The following PHF2 variants were observed in gnomAD, a reference collection of about 807,000 sequenced individuals.
PHF2 encodes lysine-specific demethylase PHF2.
PHF2 carries 27 observed loss-of-function variants against 120.5 expected under a neutral mutation model. That is an observed-to-expected ratio of 0.22 (90% CI 0.17 to 0.31). The LOEUF is 0.31. Ranked by LOEUF, PHF2 falls within the 10% of genes least tolerant of loss-of-function variation. The probability of loss-of-function intolerance (pLI) is 1.00; values close to 1 mark genes in which losing one functional copy is unlikely to be tolerated. For missense variants in PHF2, 1,024 were observed against 1,434.8 expected (o/e 0.71, Z 4.63); for synonymous variants, 568 against 592.5 (o/e 0.96, Z 0.60).
At chr9:93,600,170 GTGC>G (rs1825413590) in intron 1 of PHF2, among the ~76,000 whole-genome samples, 2 of 152,072 alleles carry the variant, frequency 1.3e-5, no homozygotes, top group Admixed American at 6.6e-5. Flanking sequence ...TGCAGTTTGT[GTGC>G]TGTGTGTCTG....
chr9:93,661,112 C>T (rs1564398728), intron 12 of PHF2, among the ~76,000 whole-genome samples: 1 of 152,082 alleles, frequency 6.6e-6, no homozygotes, highest in Non-Finnish European at 1.5e-5. Flanking sequence ...AGGACAAGAG[C>T]AGGGTGGCCC....
At chr9:93,624,684 A>ATGATGG (rs1825880696) in intron 1 of PHF2, among the ~76,000 whole-genome samples, 1 of 147,894 alleles carries the variant, frequency 6.8e-6, no homozygotes, top group Non-Finnish European at 1.5e-5. Flanking sequence ...GATGATGATG[A>ATGATGG]TGGTGGTGGC....
At chr9:93,614,836 GTGATGGTGATAGTAA>G (rs2131631463) in intron 1 of PHF2, among the ~76,000 whole-genome samples, 1 of 73,468 alleles carries the variant, frequency 1.4e-5, no homozygotes, top group African/African-American at 3.6e-5. Context: ...GACGATGGTG[GTGATGGTGATAGTAA>G]TGATGATGGT....
At position 93,677,368 on chromosome 9, in the gene PHF2, G is replaced by A. The variant is rs1587726402; in HGVS notation, c.3203-220G>A. 1.3e-5 allele frequency among the ~76,000 whole-genome samples: 2 copies of A among 151,816 alleles called. No individual in the cohort carries two copies. Among genetic ancestry groups the A allele is most frequent in the Admixed American group, 6.6e-5 (1 of 15,234 alleles). ...GCCCATGTCCATCCTACCTGCCAGG[G>A]CCCCTTGAGGACACGGCCTCTGAGG... On this transcript the variant is annotated intron_variant, in intron 21 of 21. Coordinates refer to ENST00000359246, the MANE Select transcript of PHF2 (RefSeq NM_005392.4). The surrounding 1 kb of genome is among the most constrained non-coding windows in gnomAD (Gnocchi z 4.4).
chr9:93,593,452 A>G (rs1447250024), intron 1 of PHF2, among the ~76,000 whole-genome samples: 2 of 152,194 alleles, frequency 1.3e-5, no homozygotes, highest in Non-Finnish European at 2.9e-5. Flanking sequence ...GAACTTCCCA[A>G]AGGAGATATT....
chr9:93,602,534 T>C (rs1825461566), intron 1 of PHF2, among the ~76,000 whole-genome samples: 1 of 152,130 alleles, frequency 6.6e-6, no homozygotes. Flanking sequence ...ATTACAGGTG[T>C]GAGCCACCAC....
At position 93,673,617 on chromosome 9, in the gene PHF2, C is replaced by T; in HGVS notation, c.2381C>T (p.Ala794Val). ...QPPASPSTQE[A>V]IQGMLSMANL... ...CCGGCCTCCCCCAGCACACAGGAAG[C>T]CATTCAGGGAATGCTGTCCATGGCC... Residue 794 changes from alanine to valine, a missense_variant, in exon 18 of 22, where the codon GCC becomes GTC. By Grantham distance (64) the Ala-to-Val change is moderately conservative. Around this residue, in one of 2 missense-constraint regions of PHF2, gnomAD observed 677 missense variants for 857.4 expected, o/e 0.79. Transcript: ENST00000359246. 1 of 1,590,578 alleles carries T rather than the reference C, an allele frequency of 6.3e-7. No individual in the cohort carries two copies. The highest frequency in any genetic ancestry group is 1.1e-5 in the South Asian group (1 of 88,942).
chr9:93,635,456 G>A (rs1367278748), intron 2 of PHF2, among the ~76,000 whole-genome samples: 2 of 152,212 alleles, frequency 1.3e-5, no homozygotes, highest in Non-Finnish European at 2.9e-5. Context: ...CTGCTCAAGG[G>A]TCAGCCTGTG....
chr9:93,627,491 G>GTTTTTTTTTTTTTT (rs1186546705), intron 1 of PHF2, among the ~76,000 whole-genome samples: 1 of 41,072 alleles, frequency 2.4e-5, no homozygotes, highest in African/African-American at 9.2e-5. Flanking sequence ...TTTATTTCAG[G>GTTTTTTTTTTTTTT]ATTTTTTTTT....
In PHF2 at chr9:93,656,297, C is replaced by G. The variant is rs967211277; in HGVS notation, c.1041-192C>G. Among the ~76,000 whole-genome samples, 1 of 152,122 alleles carries G rather than the reference C, an allele frequency of 6.6e-6. No individual in the cohort carries two copies. Among genetic ancestry groups the G allele is most frequent in the African/African-American group, 2.4e-5 (1 of 41,422 alleles). On this transcript the variant is annotated intron_variant, in intron 8 of 21. Transcript: ENST00000359246. This position sits in a 1 kb window ranked among gnomAD's most constrained non-coding sequence, Gnocchi z 4.1. ...GTTGCTTAAAAGGCTGCTGCCTTCT[C>G]TTCTTGGGCACTGACAGAACTCTCA... is the stretch of plus-strand genomic sequence containing the variant.
intron 20 of PHF2, 109 bp from the exon 21 acceptor site, chr9:93,676,485 C>T: frequency 7.4e-7 from 1 of 1,356,172 alleles, no homozygotes. Context: ...CCCTGCTGCC[C>T]AGCCCTGCTG....
intron 4 of PHF2, among the ~76,000 whole-genome samples, chr9:93,647,229 C>T (rs768186239): frequency 6.6e-6 from 1 of 152,186 alleles, no homozygotes; most frequent in Non-Finnish European, 1.5e-5. Context: ...CTGCCTAGTG[C>T]CAGGCATTTT....
chr9:93,630,319 A>G (rs988184485), intron 2 of PHF2, among the ~76,000 whole-genome samples: 2 of 152,234 alleles, frequency 1.3e-5, no homozygotes, highest in African/African-American at 4.8e-5. Context: ...TCTGAGGCCT[A>G]GCGAGAGGCC....
At chr9:93,599,088 T>C (rs1230884943) in intron 1 of PHF2, among the ~76,000 whole-genome samples, 1 of 152,086 alleles carries the variant, frequency 6.6e-6, no homozygotes, top group African/African-American at 2.4e-5. Context: ...TAGTCCCGTG[T>C]CCATCTCCAT....
At chr9:93,591,227 C>A (rs560394278) in intron 1 of PHF2, among the ~76,000 whole-genome samples, 1 of 152,230 alleles carries the variant, frequency 6.6e-6, no homozygotes, top group Non-Finnish European at 1.5e-5. Flanking sequence ...CCACTTATGG[C>A]CACAGATGCT....
rs374735060 is a variant in PHF2, at chr9:93,636,563, C to T, written c.299+38C>T. The T allele has an allele frequency of 5.2e-6, 7 of 1,351,068 alleles. No homozygotes were observed. The African/African-American group carries it at 1.0e-4, about 19-fold the overall frequency. The allele number at this position is 1,351,068 out of a possible 1,614,324, so 83.7% of individuals were successfully genotyped here. On this transcript the variant is annotated intron_variant, in intron 3 of 21. Coordinates refer to ENST00000359246, the MANE Select transcript of PHF2 (RefSeq NM_005392.4). ...TCCTGTATGCTCCACCACCTGCAGCCAGGGGATGCACACTCTCTCCGTCCC... is the reference window on the plus strand; with the variant it reads ...TCCTGTATGCTCCACCACCTGCAGCTAGGGGATGCACACTCTCTCCGTCCC...
In PHF2 at chr9:93,654,583, C is replaced by T. The variant is rs375894193; in HGVS notation, c.952+8C>T. 6.3e-5 allele frequency: 102 copies of T among 1,611,084 alleles called. No homozygotes were observed. The highest frequency in any genetic ancestry group is 1.5e-4 in the Admixed American group (9 of 60,006). On this transcript the variant is annotated splice_region_variant and intron_variant, in intron 7 of 21. Coordinates refer to ENST00000359246, the MANE Select transcript of PHF2 (RefSeq NM_005392.4). ...CCCTCTTCATCCCCTCAGGTGAGTG[C>T]GGGCAGCTTTGGGGACCATGTACTA...
intron 3 of PHF2, among the ~76,000 whole-genome samples, chr9:93,645,192 G>C (rs921572875): frequency 6.6e-6 from 1 of 152,192 alleles, no homozygotes; most frequent in Non-Finnish European, 1.5e-5. Flanking sequence ...GCTGTGATTC[G>C]GTGGCCCTGC....
chr9:93,637,783 A>G (rs920395778), intron 3 of PHF2, among the ~76,000 whole-genome samples: 1 of 152,222 alleles, frequency 6.6e-6, no homozygotes, highest in African/African-American at 2.4e-5. Context: ...ATGTGGACAT[A>G]TGCTTTTATT....
Sources: gnomAD v4.1 joint callset for allele counts (sites outside exome capture counted in the v4.1 genomes callset) on GRCh38, gnomAD v4.1.1 for gene constraint, gnomAD v4.1.1 regional missense constraint, Gnocchi (gnomAD v3.1) non-coding constraint, MANE v1.5 for transcripts, NCBI Gene and HGNC (gene_info 2026-07-23, HGNC 2026-07-21) for gene names.